ARHGAP10: variants seen among roughly 807,000 people sequenced by gnomAD.
ARHGAP10 encodes the protein rho GTPase-activating protein 10.
In ARHGAP10, 87 loss-of-function variants were observed where a neutral mutation model predicts 108.6. That is an observed-to-expected ratio of 0.80 (90% CI 0.67 to 0.96). The LOEUF (loss-of-function observed/expected upper bound fraction) is 0.96, where lower values mean the gene tolerates loss of function less well. ARHGAP10 is among the 40% of genes least tolerant of loss of function. The pLI is 0.00. For synonymous variants in ARHGAP10, 347 were observed against 341.1 expected (o/e 1.02, Z -0.19); for missense variants, 939 against 954.5 (o/e 0.98, Z 0.21).
chr4:147,925,172 C>T (rs1176116811), intron 13 of ARHGAP10, among the ~76,000 whole-genome samples: 1 of 152,060 alleles, frequency 6.6e-6, no homozygotes, highest in Non-Finnish European at 1.5e-5. Context: ...AGGAAGAACA[C>T]CACGGTTTTC....
intron 14 of ARHGAP10, among the ~76,000 whole-genome samples, chr4:147,942,556 A>G (rs757030176): frequency 6.6e-6 from 1 of 152,008 alleles, no homozygotes; most frequent in African/African-American, 2.4e-5. Context: ...AAATAGCAAA[A>G]TGTTTCTTTC....
At chr4:147,893,869 C>G (rs531357932) in intron 10 of ARHGAP10, among the ~76,000 whole-genome samples, 1 of 151,938 alleles carries the variant, frequency 6.6e-6, no homozygotes, top group Admixed American at 6.6e-5. Flanking sequence ...GTATATAGGT[C>G]TCTGTGTTTT....
At chr4:147,979,962 T>C (rs1284268237) in intron 18 of ARHGAP10, among the ~76,000 whole-genome samples, 1 of 152,248 alleles carries the variant, frequency 6.6e-6, no homozygotes, top group African/African-American at 2.4e-5. Context: ...GTTTTCCAGG[T>C]AGAGAATCAT....
At chr4:147,880,385 A>G (rs1250551031) in intron 9 of ARHGAP10, among the ~76,000 whole-genome samples, 1 of 152,226 alleles carries the variant, frequency 6.6e-6, no homozygotes, top group Non-Finnish European at 1.5e-5. Context: ...AATGAAACAG[A>G]CATGGAAAAT....
rs190685097 is a variant in ARHGAP10 at position 147,881,445 on chromosome 4, C to A, written c.940-393C>A. Among the ~76,000 whole-genome samples the A allele has an allele frequency of 2.8e-3, 421 of 152,228 alleles. 1 individual carries two copies. Among genetic ancestry groups the A allele is most frequent in the African/African-American group, 9.8e-3 (406 of 41,522 alleles). ...CTGAGGTCAGGAGATTGACACCAGC[C>A]TGGCCAACATGGTGAAACCCTGTTT... On this transcript the variant is annotated intron_variant, in intron 9 of 22. Coordinates refer to ENST00000336498, the MANE Select transcript of ARHGAP10 (RefSeq NM_024605.4).
At chr4:147,970,518 A>G (rs1739366347) in intron 18 of ARHGAP10, among the ~76,000 whole-genome samples, 1 of 152,140 alleles carries the variant, frequency 6.6e-6, no homozygotes, top group Non-Finnish European at 1.5e-5. Flanking sequence ...CAGGCGAAAA[A>G]TGGCGAGAAG....
In ARHGAP10 at chr4:147,880,509, T is replaced by A. The variant is rs139097803; in HGVS notation, c.939+1171T>A. Among the ~76,000 whole-genome samples the A allele has an allele frequency of 2.3e-4, 35 of 152,328 alleles. No individual in the cohort carries two copies. The East Asian group carries it at 6.4e-3, about 28-fold the overall frequency. ...TAAGATATTTCTGCTTAGTGATATCTTTCTGTTTTAGCCTCCAAATAATAA... is the reference window on the plus strand; with the variant it reads ...TAAGATATTTCTGCTTAGTGATATCATTCTGTTTTAGCCTCCAAATAATAA... On this transcript the variant is annotated intron_variant, in intron 9 of 22. Transcript: ENST00000336498.
intron 10 of ARHGAP10, among the ~76,000 whole-genome samples, chr4:147,899,006 G>A (rs1291670708): frequency 6.6e-6 from 1 of 152,112 alleles, no homozygotes; most frequent in Non-Finnish European, 1.5e-5. Flanking sequence ...AACCCTCCAG[G>A]CAGGCCATGC....
chr4:147,862,676 G>GACT (rs950399023), intron 5 of ARHGAP10: 1 of 152,246 alleles, frequency 6.6e-6, no homozygotes, highest in Non-Finnish European at 1.5e-5. Context: ...GGTGGTGATA[G>GACT]AGGTTGACTG....
intron 13 of ARHGAP10, among the ~76,000 whole-genome samples, chr4:147,928,186 C>G (rs1054385939): frequency 1.3e-5 from 2 of 152,188 alleles, no homozygotes; most frequent in Non-Finnish European, 2.9e-5. Context: ...AGCATCAAGT[C>G]TTAGGTGTAT....
At chr4:147,989,391 C>T (rs1332217181) in intron 18 of ARHGAP10, among the ~76,000 whole-genome samples, 1 of 152,180 alleles carries the variant, frequency 6.6e-6, no homozygotes, top group Admixed American at 6.6e-5. Flanking sequence ...CCGGTCTGAC[C>T]AAAATTTATT....
intron 8 of ARHGAP10, among the ~76,000 whole-genome samples, chr4:147,876,670 G>A (rs1735077066): frequency 6.6e-6 from 1 of 152,132 alleles, no homozygotes; most frequent in South Asian, 2.1e-4. Context: ...TGTATTATAT[G>A]CCCAAGTGAA....
chr4:147,910,302 C>T (rs937905839), intron 12 of ARHGAP10, among the ~76,000 whole-genome samples: 14 of 151,712 alleles, frequency 9.2e-5, no homozygotes, highest in African/African-American at 1.2e-4. Context: ...AGATTACAGG[C>T]GTGAGTCACC....
At chr4:147,952,812 A>G (rs1406600103) in intron 15 of ARHGAP10, among the ~76,000 whole-genome samples, 1 of 151,976 alleles carries the variant, frequency 6.6e-6, no homozygotes, top group Non-Finnish European at 1.5e-5. Context: ...TGGCTATATT[A>G]AGAAACCTTT....
At chr4:148,009,202 C>T (rs1031611373) in intron 18 of ARHGAP10, among the ~76,000 whole-genome samples, 1 of 151,358 alleles carries the variant, frequency 6.6e-6, no homozygotes, top group Non-Finnish European at 1.5e-5. Context: ...GTAATATAGG[C>T]CCACTGCAAC....
intron 1 of ARHGAP10, among the ~76,000 whole-genome samples, chr4:147,753,567 TG>T (rs1196475472): frequency 1.3e-5 from 2 of 151,752 alleles, no homozygotes; most frequent in East Asian, 1.9e-4. Context: ...TTGGCCAGGT[TG>T]GTCTTGAACT....
chr4:147,822,646 AC>A, intron 1 of ARHGAP10, 80 bp from the exon 2 acceptor site: 2 of 1,405,458 alleles, frequency 1.4e-6, no homozygotes, highest in Non-Finnish European at 2.0e-6. Context: ...CTACAGCTTT[AC>A]CAATTTTAGG....
At chr4:148,021,876 A>G (rs889488906) in intron 18 of ARHGAP10, among the ~76,000 whole-genome samples, 1 of 152,252 alleles carries the variant, frequency 6.6e-6, no homozygotes, top group Admixed American at 6.5e-5. Context: ...ATATTTGTCT[A>G]CAGTAACTTA....
chr4:147,852,731 A>T (rs6818130), intron 4 of ARHGAP10, among the ~76,000 whole-genome samples: 3,021 of 8,042 alleles, frequency 0.38, 1,113 homozygotes, highest in Middle Eastern at 0.73. Flanking sequence ...TTTTTTTTTT[A>T]AAATGGAGCG....
Sources: allele counts gnomAD v4.1 joint callset (sites outside exome capture counted in the v4.1 genomes callset), GRCh38; gene constraint gnomAD v4.1.1; transcripts MANE v1.5; gene names NCBI Gene and HGNC (gene_info 2026-07-23, HGNC 2026-07-21).